The following PRKG1 variants were observed in gnomAD, a reference collection of about 807,000 sequenced individuals.
The protein encoded by PRKG1 is protein kinase cGMP-dependent 1, also known as cGMP-dependent protein kinase 1.
In PRKG1, 35 loss-of-function variants were observed where a neutral mutation model predicts 88.1. The observed-to-expected ratio is 0.40, with a 90% confidence interval of 0.30 to 0.53. The LOEUF is 0.53. Ranked by LOEUF, PRKG1 falls within the 20% of genes least tolerant of loss-of-function variation. The pLI is 0.59. For missense variants in PRKG1, 540 were observed against 839.8 expected (o/e 0.64, Z 4.41); for synonymous variants, 303 against 292.5 (o/e 1.04, Z -0.37).
In PRKG1 at chr10:51,790,717, T is replaced by C. The variant is rs112589844; in HGVS notation, c.593-13868T>C. ...ACATCTGATCTTTTGATGTAGAGTCTGTCTCTAAACCATCAGTGTTTTAGT... is the reference window on the plus strand; with the variant it reads ...ACATCTGATCTTTTGATGTAGAGTCCGTCTCTAAACCATCAGTGTTTTAGT... On this transcript the variant is annotated intron_variant, in intron 3 of 17. Transcript: ENST00000373980. Among the ~76,000 whole-genome samples, 538 of 152,322 alleles carry C rather than the reference T, an allele frequency of 3.5e-3. 5 individuals are homozygous for C. The highest frequency in any genetic ancestry group is 0.013 in the African/African-American group (523 of 41,578).
intron 1 of PRKG1, among the ~76,000 whole-genome samples, chr10:51,018,226 G>A (rs954655426): frequency 2.6e-5 from 4 of 152,120 alleles, no homozygotes; most frequent in Admixed American, 2.0e-4. Context: ...TATTGCTGAA[G>A]GATAATTTTG....
At chr10:51,973,195 G>T (rs1279121779) in intron 5 of PRKG1, among the ~76,000 whole-genome samples, 2 of 152,176 alleles carry the variant, frequency 1.3e-5, no homozygotes, top group Non-Finnish European at 2.9e-5. Flanking sequence ...ACCTCCAGGA[G>T]CTGAAAAACA....
At chr10:51,130,189 A>G (rs1299983902) in intron 1 of PRKG1, among the ~76,000 whole-genome samples, 1 of 152,180 alleles carries the variant, frequency 6.6e-6, no homozygotes, top group Non-Finnish European at 1.5e-5. Context: ...AATCATCTTA[A>G]TAAACCTCTT....
intron 2 of PRKG1, among the ~76,000 whole-genome samples, chr10:51,305,601 A>G (rs1403634815): frequency 1.3e-5 from 2 of 152,164 alleles, no homozygotes; most frequent in African/African-American, 4.8e-5. Flanking sequence ...GGCAGCATGA[A>G]CAGAATGTTC....
At chr10:51,251,975 T>C (rs1410458172) in intron 2 of PRKG1, among the ~76,000 whole-genome samples, 1 of 151,840 alleles carries the variant, frequency 6.6e-6, no homozygotes, top group Non-Finnish European at 1.5e-5. Context: ...AGTAGCATAT[T>C]ACTTGCATAT....
At chr10:51,664,750 A>ACTC (rs1423613346) in intron 3 of PRKG1, among the ~76,000 whole-genome samples, 4 of 152,126 alleles carry the variant, frequency 2.6e-5, no homozygotes, top group African/African-American at 9.7e-5. Flanking sequence ...CTAAATCCTG[A>ACTC]CTCTACAATT....
intron 2 of PRKG1, among the ~76,000 whole-genome samples, chr10:51,342,840 T>C (rs555456645): frequency 2.0e-5 from 3 of 152,332 alleles, no homozygotes; most frequent in Admixed American, 2.0e-4. Flanking sequence ...CATTCAGGTG[T>C]TCATTCTATG....
At chr10:51,254,399 C>T (rs1428345134) in intron 2 of PRKG1, among the ~76,000 whole-genome samples, 1 of 151,894 alleles carries the variant, frequency 6.6e-6, no homozygotes, top group Admixed American at 6.6e-5. Flanking sequence ...TATTGTACTG[C>T]AGGCTAAGTA....
intron 3 of PRKG1, among the ~76,000 whole-genome samples, chr10:51,578,912 T>C (rs1343292096): frequency 6.6e-6 from 1 of 151,834 alleles, no homozygotes; most frequent in Non-Finnish European, 1.5e-5. Context: ...TGTGAACTTT[T>C]GTCTTAATTT....
At chr10:52,078,948 C>T (rs1846699749) in intron 7 of PRKG1, among the ~76,000 whole-genome samples, 1 of 152,202 alleles carries the variant, frequency 6.6e-6, no homozygotes, top group African/African-American at 2.4e-5. Flanking sequence ...GATCCTGGGT[C>T]TCCCATGAGA....
At chr10:52,209,734 C>T (rs914612778) in intron 9 of PRKG1, among the ~76,000 whole-genome samples, 1 of 152,014 alleles carries the variant, frequency 6.6e-6, no homozygotes, top group African/African-American at 2.4e-5. Flanking sequence ...ACCATCCATC[C>T]CCTTCTCCCT....
intron 3 of PRKG1, among the ~76,000 whole-genome samples, chr10:51,748,197 C>A (rs1837629420): frequency 6.6e-6 from 1 of 152,194 alleles, no homozygotes; most frequent in African/African-American, 2.4e-5. Context: ...TCAAGACTGA[C>A]CATTATGCTT....
At chr10:52,056,963 G>A (rs560781289) in intron 6 of PRKG1, among the ~76,000 whole-genome samples, 2 of 152,216 alleles carry the variant, frequency 1.3e-5, no homozygotes, top group African/African-American at 4.8e-5. Context: ...AGGCTCAGTT[G>A]AGCAGGCAAA....
chr10:51,991,794 G>A (rs1452724444), intron 5 of PRKG1, among the ~76,000 whole-genome samples: 1 of 152,120 alleles, frequency 6.6e-6, no homozygotes, highest in East Asian at 1.9e-4. Flanking sequence ...TGGACATTTG[G>A]GTTGGTTCCA....
intron 2 of PRKG1, among the ~76,000 whole-genome samples, chr10:51,191,916 A>G (rs1047212594): frequency 6.6e-6 from 1 of 151,780 alleles, no homozygotes; most frequent in Non-Finnish European, 1.5e-5. Flanking sequence ...ATGAACAGCA[A>G]ATAAAGTATC....
At chr10:52,262,102 A>G (rs922484882) in intron 10 of PRKG1, among the ~76,000 whole-genome samples, 4 of 152,156 alleles carry the variant, frequency 2.6e-5, no homozygotes, top group Non-Finnish European at 5.9e-5. Context: ...TACTAACTTA[A>G]AAACAGATTT....
At chr10:51,721,887 T>G (rs917449039) in intron 3 of PRKG1, among the ~76,000 whole-genome samples, 4 of 152,182 alleles carry the variant, frequency 2.6e-5, no homozygotes, top group African/African-American at 9.7e-5. Flanking sequence ...GCTATAAACA[T>G]GCATTTTTGC....
intron 1 of PRKG1, among the ~76,000 whole-genome samples, chr10:51,112,876 T>C (rs1202439320): frequency 6.6e-6 from 1 of 152,226 alleles, no homozygotes; most frequent in Non-Finnish European, 1.5e-5. Flanking sequence ...ACATAGTATA[T>C]AGAAAGATGT....
chr10:51,887,196 G>T (rs1841592456), intron 4 of PRKG1, among the ~76,000 whole-genome samples: 1 of 152,070 alleles, frequency 6.6e-6, no homozygotes, highest in Non-Finnish European at 1.5e-5. Context: ...TATTGACCAG[G>T]CTGGCCTCGA....
Sources: gnomAD v4.1 joint callset for allele counts (sites outside exome capture counted in the v4.1 genomes callset) on GRCh38, gnomAD v4.1.1 for gene constraint, MANE v1.5 for transcripts, NCBI Gene and HGNC (gene_info 2026-07-23, HGNC 2026-07-21) for gene names.